The following JAZF1 variants were observed in gnomAD, a reference collection of about 807,000 sequenced individuals.
JAZF1 encodes the protein juxtaposed with another zinc finger protein 1.
JAZF1 carries 8 observed loss-of-function variants against 26.4 expected under a neutral mutation model. The ratio of observed to expected loss-of-function variants is 0.30; its 90% confidence interval spans 0.18 to 0.55. The LOEUF (loss-of-function observed/expected upper bound fraction) is 0.55, where lower values mean the gene tolerates loss of function less well. Ranked by LOEUF, JAZF1 falls within the 20% of genes least tolerant of loss-of-function variation. JAZF1 has a pLI of 0.94. For synonymous variants in JAZF1, 126 were observed against 122.3 expected (o/e 1.03, Z -0.20); for missense variants, 199 against 322.0 (o/e 0.62, Z 2.92).
intron 1 of JAZF1, among the ~76,000 whole-genome samples, chr7:28,112,538 T>C (rs1784678902): frequency 1.3e-5 from 2 of 151,958 alleles, no homozygotes; most frequent in African/African-American, 4.8e-5. Flanking sequence ...TTTTAAATCA[T>C]GTGACAAAAG....
chr7:27,892,763 A>G (rs943653484), intron 3 of JAZF1, among the ~76,000 whole-genome samples: 5 of 152,230 alleles, frequency 3.3e-5, no homozygotes, highest in Admixed American at 3.3e-4. Context: ...GAAATGGACA[A>G]ATGCCTAACA....
At chr7:27,972,840 GAT>G (rs147011744) in intron 2 of JAZF1, among the ~76,000 whole-genome samples, 22 of 148,870 alleles carry the variant, frequency 1.5e-4, no homozygotes, top group Admixed American at 4.0e-4. Context: ...TGGGGGGAAT[GAT>G]ATATATATAT....
At chr7:28,034,899 G>A (rs538929207) in intron 1 of JAZF1, among the ~76,000 whole-genome samples, 42 of 152,252 alleles carry the variant, frequency 2.8e-4, no homozygotes, top group African/African-American at 9.6e-4. Flanking sequence ...AACAAAGTGT[G>A]ATTTTTTACT....
chr7:28,050,633 C>A (rs1241451877), intron 1 of JAZF1, among the ~76,000 whole-genome samples: 3 of 152,028 alleles, frequency 2.0e-5, no homozygotes, highest in Admixed American at 2.0e-4. Context: ...TTGAAGTGTA[C>A]AGAGATTTTC....
intron 2 of JAZF1, among the ~76,000 whole-genome samples, chr7:27,942,924 A>C (rs1784870769): frequency 6.6e-6 from 1 of 152,198 alleles, no homozygotes; most frequent in Admixed American, 6.5e-5. Flanking sequence ...AAGTAAGATG[A>C]GGCGCTATTT....
intron 2 of JAZF1, among the ~76,000 whole-genome samples, chr7:27,982,604 G>C (rs1361278956): frequency 6.6e-6 from 1 of 152,188 alleles, no homozygotes; most frequent in African/African-American, 2.4e-5. Context: ...AGAGAGTAGT[G>C]GTTCTCCCGG....
intron 4 of JAZF1, among the ~76,000 whole-genome samples, chr7:27,835,630 C>T (rs1782791714): frequency 6.6e-6 from 1 of 152,148 alleles, no homozygotes; most frequent in South Asian, 2.1e-4. Context: ...TGTTGACAAG[C>T]GTCAGTGGGT....
At chr7:27,909,158 CACCACCAGGCCCTGCTAATTTTGAATA>C (rs1784316079) in intron 2 of JAZF1, among the ~76,000 whole-genome samples, 1 of 146,362 alleles carries the variant, frequency 6.8e-6, no homozygotes, top group Admixed American at 6.7e-5. Context: ...TATAGTTGCA[CACCACCAGGCCCTGCTAATTTTGAATA>C]ACCACCCAGG....
At chr7:28,000,808 G>A (rs989649339) in intron 1 of JAZF1, among the ~76,000 whole-genome samples, 6 of 151,636 alleles carry the variant, frequency 4.0e-5, no homozygotes, top group African/African-American at 1.5e-4. Flanking sequence ...TAGTAGAGAT[G>A]GGGTTTCACC....
chr7:27,840,649 C>G lies in JAZF1; in HGVS notation c.555+49G>C. The G allele has an allele frequency of 6.3e-7, 1 of 1,587,584 alleles. No homozygotes were observed. The highest frequency in any genetic ancestry group is 8.6e-7 in the Non-Finnish European group (1 of 1,160,508). ...GAAAGGGCTGCTGCCTTCCATGAAG[C>G]TTGCCCTGTTTCCATGTGGTTATGC... On this transcript the variant is annotated intron_variant, in intron 4 of 4. Coordinates refer to ENST00000283928, the MANE Select transcript of JAZF1 (RefSeq NM_175061.4). The surrounding 1 kb of genome is among the most constrained non-coding windows in gnomAD (Gnocchi z 5.1).
At chr7:28,040,434 T>C (rs1172822778) in intron 1 of JAZF1, among the ~76,000 whole-genome samples, 1 of 152,190 alleles carries the variant, frequency 6.6e-6, no homozygotes, top group Non-Finnish European at 1.5e-5. Flanking sequence ...AAGAGTAATG[T>C]AATCAAGAGT....
chr7:27,895,039 T>C (rs899076414), intron 3 of JAZF1, among the ~76,000 whole-genome samples, 181 bp downstream of exon 3: 1 of 152,176 alleles, frequency 6.6e-6, no homozygotes, highest in East Asian at 1.9e-4. Flanking sequence ...CAATAATCTA[T>C]AAATATTTCT....
chr7:27,986,724 T>C (rs964280507), intron 2 of JAZF1, among the ~76,000 whole-genome samples: 4 of 145,882 alleles, frequency 2.7e-5, no homozygotes, highest in Non-Finnish European at 4.5e-5. Context: ...TGGACTGTAC[T>C]GCTGCCATCT....
intron 1 of JAZF1, among the ~76,000 whole-genome samples, chr7:28,108,033 A>C (rs977483772): frequency 6.6e-6 from 1 of 152,050 alleles, no homozygotes; most frequent in Non-Finnish European, 1.5e-5. Flanking sequence ...CACTGATCAG[A>C]CCTGGGGGGT....
At chr7:27,895,156 AT>A (rs1465314913) in intron 3 of JAZF1, 63 bp downstream of exon 3, 1 of 1,156,526 alleles carries the variant, frequency 8.6e-7, no homozygotes, top group Non-Finnish European at 1.2e-6. Context: ...CCCCCAGCAC[AT>A]CACACACACT....
chr7:27,895,151 A>G (rs1341747040), intron 3 of JAZF1, 69 bp downstream of exon 3: 6 of 1,083,654 alleles, frequency 5.5e-6, no homozygotes, highest in East Asian at 2.8e-5. Flanking sequence ...TTCTGCCCCC[A>G]GCACATCACA....
At chr7:28,079,818 A>G (rs574753045) in intron 1 of JAZF1, among the ~76,000 whole-genome samples, 1 of 152,210 alleles carries the variant, frequency 6.6e-6, no homozygotes, top group Non-Finnish European at 1.5e-5. Context: ...TCGGTTTACG[A>G]ACCCTGCTGA....
At chr7:27,981,856 C>T (rs1026766575) in intron 2 of JAZF1, among the ~76,000 whole-genome samples, 3 of 152,178 alleles carry the variant, frequency 2.0e-5, no homozygotes, top group African/African-American at 7.2e-5. Flanking sequence ...ACAGTTTATG[C>T]CAAACCACTG....
At chr7:27,936,405 T>C (rs1784763659) in intron 2 of JAZF1, among the ~76,000 whole-genome samples, 1 of 152,236 alleles carries the variant, frequency 6.6e-6, no homozygotes, top group South Asian at 2.1e-4. Context: ...CTCTTCCTCA[T>C]ACGTGTCTAT....
Sources: gnomAD v4.1 joint callset for allele counts (sites outside exome capture counted in the v4.1 genomes callset) on GRCh38, gnomAD v4.1.1 for gene constraint, Gnocchi (gnomAD v3.1) non-coding constraint, MANE v1.5 for transcripts, NCBI Gene and HGNC (gene_info 2026-07-23, HGNC 2026-07-21) for gene names.